YTHDF3: variants seen among roughly 807,000 people sequenced by gnomAD.
The protein encoded by YTHDF3 is YTH domain-containing family protein 3.
In YTHDF3, 9 loss-of-function variants were observed where a neutral mutation model predicts 52.5. The observed-to-expected ratio is 0.17, with a 90% CI of 0.10 to 0.30. The LOEUF (loss-of-function observed/expected upper bound fraction) is 0.30. YTHDF3 is among the 10% of genes least tolerant of loss of function. The probability of loss-of-function intolerance (pLI) is 1.00; values close to 1 mark genes in which losing one functional copy is unlikely to be tolerated. For missense variants in YTHDF3, 534 were observed against 715.0 expected, an observed-to-expected ratio of 0.75 and a Z score of 2.89; for synonymous variants, 274 against 243.3, an observed-to-expected ratio of 1.13 and a Z score of -1.18.
chr8:63,204,044 A>G (rs113049648), intron 4 of YTHDF3, among the ~76,000 whole-genome samples: 3 of 152,188 alleles, frequency 2.0e-5, no homozygotes, highest in African/African-American at 7.2e-5. Flanking sequence ...TGTGCAGCCC[A>G]CACTTGAGGA....
intron 4 of YTHDF3, among the ~76,000 whole-genome samples, chr8:63,193,220 A>C (rs1585770470): frequency 6.6e-6 from 1 of 152,082 alleles, no homozygotes; most frequent in Admixed American, 6.6e-5. Context: ...TCTACTAAAA[A>C]TACAAAAGTT....
intron 1 of YTHDF3, 178 bp downstream of exon 1, chr8:63,169,079 G>T (rs1807093179): frequency 1.4e-6 from 2 of 1,383,262 alleles, no homozygotes; most frequent in Non-Finnish European, 1.9e-6. Flanking sequence ...CGTAGCTTGC[G>T]GGCGGGCGGG....
At chr8:63,193,986 A>G (rs995490307) in intron 4 of YTHDF3, among the ~76,000 whole-genome samples, 2 of 152,112 alleles carry the variant, frequency 1.3e-5, no homozygotes, top group African/African-American at 4.8e-5. Context: ...CATACCTAAT[A>G]GAAACTTTCA....
chr8:63,212,086 A>G lies in YTHDF3; in HGVS notation c.*2380A>G, dbSNP rs928289658. On this transcript the variant is annotated 3_prime_UTR_variant, in exon 5 of 5. Transcript: ENST00000539294. ...GGTCTACAAGAGGAGACACATCATC[A>G]AATGTTTGAATGATCACAAATTAAG... 4 of 152,624 alleles carry G rather than the reference A, an allele frequency of 2.6e-5. No individual in the cohort carries two copies. Among genetic ancestry groups the G allele is most frequent in the African/African-American group, 7.2e-5 (3 of 41,456 alleles). 9.5% of individuals were successfully genotyped at this position (152,624 alleles called of 1,614,324 possible). A position where few individuals can be genotyped will look rare whatever the true frequency, so the allele number is the denominator to read the frequency against.
At chr8:63,173,431 G>A (rs1563391887) in intron 2 of YTHDF3, among the ~76,000 whole-genome samples, 1 of 151,734 alleles carries the variant, frequency 6.6e-6, no homozygotes, top group Admixed American at 6.6e-5. Context: ...TCGTAAAGGT[G>A]GGATCTTGCT....
At chr8:63,197,200 A>G (rs1809295732) in intron 4 of YTHDF3, among the ~76,000 whole-genome samples, 1 of 152,218 alleles carries the variant, frequency 6.6e-6, no homozygotes. Flanking sequence ...AATCCCTAGC[A>G]CCTAGAAAAA....
At position 63,184,927 on chromosome 8, in the gene YTHDF3, T is replaced by C. The variant is rs1808399615; in HGVS notation, c.136-1220T>C. ...TGAGCCCAGGAGTTCAAGACCATCC[T>C]GGGCAACATGGTGAAATCCTCATCT... On this transcript the variant is annotated intron_variant, in intron 3 of 4. Transcript: ENST00000539294. 3.3e-5 allele frequency among the ~76,000 whole-genome samples: 5 copies of C among 152,174 alleles called. No homozygotes were observed. In the South Asian group the frequency reaches 1.0e-3, roughly 32 times the overall value.
chr8:63,202,916 G>A (rs937521345), intron 4 of YTHDF3, among the ~76,000 whole-genome samples: 3 of 151,952 alleles, frequency 2.0e-5, no homozygotes, highest in African/African-American at 4.8e-5. Context: ...CTTGAAACAC[G>A]CACACGGTGT....
chr8:63,208,886 A>T (rs1369299232), intron 4 of YTHDF3, among the ~76,000 whole-genome samples: 3 of 150,808 alleles, frequency 2.0e-5, no homozygotes. Flanking sequence ...GTTGTTGTTG[A>T]GATGGAGTTT....
chr8:63,211,171 A>G lies in YTHDF3; in HGVS notation c.*1465A>G, dbSNP rs553749650. 6.6e-6 allele frequency: 1 copy of G among 152,494 alleles called. No homozygotes were observed. Among genetic ancestry groups the G allele is most frequent in the South Asian group, 2.1e-4 (1 of 4,828 alleles). 9.4% of individuals were successfully genotyped at this position (152,494 alleles called of 1,614,324 possible). ...GGATATTTCTTTGAGGCTTTCATTTATATAATTTTATTTTGTACAATGTTT... is the reference window on the plus strand; with the variant it reads ...GGATATTTCTTTGAGGCTTTCATTTGTATAATTTTATTTTGTACAATGTTT... On this transcript the variant is annotated 3_prime_UTR_variant, in exon 5 of 5. Coordinates refer to ENST00000539294, the MANE Select transcript of YTHDF3 (RefSeq NM_152758.6).
intron 4 of YTHDF3, among the ~76,000 whole-genome samples, chr8:63,199,366 A>G (rs1436668797): frequency 6.6e-6 from 1 of 152,162 alleles, no homozygotes; most frequent in African/African-American, 2.4e-5. Flanking sequence ...TTCTCCCTCC[A>G]TATAGGCATG....
chr8:63,193,000 G>C (rs1427674404), intron 4 of YTHDF3, among the ~76,000 whole-genome samples: 2 of 152,008 alleles, frequency 1.3e-5, no homozygotes, highest in African/African-American at 4.8e-5. Context: ...CTCAACCTTG[G>C]GGGAGGCAGC....
At chr8:63,176,470 C>G (rs893488176) in intron 3 of YTHDF3, among the ~76,000 whole-genome samples, 10 of 151,970 alleles carry the variant, frequency 6.6e-5, no homozygotes, top group Non-Finnish European at 1.0e-4. Context: ...TTAGTAGAGA[C>G]AGGGTTTCAC....
At chr8:63,201,076 G>A (rs939967922) in intron 4 of YTHDF3, among the ~76,000 whole-genome samples, 1 of 152,224 alleles carries the variant, frequency 6.6e-6, no homozygotes, top group African/African-American at 2.4e-5. Context: ...AGGAGCTAAA[G>A]TCTGATAGTA....
chr8:63,183,685 T>C (rs1191260758), intron 3 of YTHDF3, among the ~76,000 whole-genome samples: 2 of 152,208 alleles, frequency 1.3e-5, no homozygotes. Flanking sequence ...TAATTATCCA[T>C]TATAGCTGAA....
chr8:63,191,443 T>C (rs1223288071), intron 4 of YTHDF3, among the ~76,000 whole-genome samples: 1 of 152,190 alleles, frequency 6.6e-6, no homozygotes. Flanking sequence ...TTTGTTTGCT[T>C]CTATTATCAC....
chr8:63,197,796 C>T (rs1252147227), intron 4 of YTHDF3, among the ~76,000 whole-genome samples: 1 of 152,096 alleles, frequency 6.6e-6, no homozygotes, highest in African/African-American at 2.4e-5. Context: ...TAATAAAAAT[C>T]CTGAGTATAT....
intron 4 of YTHDF3, among the ~76,000 whole-genome samples, chr8:63,190,526 C>A (rs1016195555): frequency 2.0e-5 from 3 of 152,098 alleles, no homozygotes; most frequent in Non-Finnish European, 4.4e-5. Context: ...CTAAAGCCGC[C>A]TCCTTACATA....
In YTHDF3 at chr8:63,175,321, A is replaced by AT. The variant is rs773146494; in HGVS notation, c.50-3dup. 8 of 1,595,972 alleles carry AT rather than the reference A, an allele frequency of 5.0e-6. No individual in the cohort carries two copies. Among genetic ancestry groups the AT allele is most frequent in the Non-Finnish European group, 6.8e-6 (8 of 1,168,640 alleles). On this transcript the variant is annotated splice_polypyrimidine_tract_variant and intron_variant, in intron 2 of 4. Coordinates refer to ENST00000539294, the MANE Select transcript of YTHDF3 (RefSeq NM_152758.6). ...TAACTACAACACTTCTAATACAAAC[A>AT]TTTTTTTAGTTTCAGTACAAAACGG...
Sources: gnomAD v4.1 joint callset for allele counts (sites outside exome capture counted in the v4.1 genomes callset) on GRCh38, gnomAD v4.1.1 for gene constraint, MANE v1.5 for transcripts, NCBI Gene and HGNC (gene_info 2026-07-23, HGNC 2026-07-21) for gene names.